Variants in CNEP1R1 observed in about 807,000 individuals in gnomAD.
CNEP1R1 encodes CTD nuclear envelope phosphatase 1 regulatory subunit 1.
CNEP1R1 carries 10 observed loss-of-function variants against 22.7 expected under a neutral mutation model. The observed-to-expected ratio is 0.44, with a 90% CI of 0.27 to 0.75. The LOEUF (loss-of-function observed/expected upper bound fraction) is 0.75, where lower values mean the gene tolerates loss of function less well. Ranked by LOEUF, CNEP1R1 falls within the 30% of genes least tolerant of loss-of-function variation. The pLI, the probability that CNEP1R1 is intolerant of heterozygous loss-of-function variation, is 0.17. For synonymous variants in CNEP1R1, 53 were observed against 50.1 expected (o/e 1.06, Z -0.25); for missense variants, 73 against 151.5 (o/e 0.48, Z 2.72).
chr16:50,027,978 A>G (rs1477461387), intron 2 of CNEP1R1, among the ~76,000 whole-genome samples: 2 of 152,132 alleles, frequency 1.3e-5, no homozygotes, highest in African/African-American at 4.8e-5. Flanking sequence ...TTGTTTTGGA[A>G]ATGGAGTCTA....
intron 2 of CNEP1R1, 47 bp downstream of exon 2, chr16:50,026,514 T>A: frequency 7.6e-7 from 1 of 1,309,116 alleles, no homozygotes. Context: ...AATTGATACT[T>A]TTATCCTAAT....
chr16:50,029,342 G>A (rs1347970999), intron 2 of CNEP1R1, among the ~76,000 whole-genome samples: 1 of 152,042 alleles, frequency 6.6e-6, no homozygotes, highest in Non-Finnish European at 1.5e-5. Context: ...AGTCTTTGAT[G>A]GTTTGTTTAC....
rs894713544 is a variant in CNEP1R1 at position 50,025,227 on chromosome 16, A to C, written c.-89A>C. ...GGGAGGGGCAGCGGGGAGCGGTTAG[A>C]GGTGGGAGTTGGCGCTGCGGGCCGG... On this transcript the variant is annotated 5_prime_UTR_variant, in exon 1 of 6. Transcript: ENST00000427478. 1.3e-5 allele frequency: 16 copies of C among 1,257,904 alleles called. No homozygotes were observed. Among genetic ancestry groups the C allele is most frequent in the Non-Finnish European group, 2.1e-6 (2 of 961,950 alleles). The allele number at this position is 1,257,904 out of a possible 1,614,324, so 77.9% of individuals were successfully genotyped here.
In CNEP1R1 at chr16:50,035,625, T is replaced by C. The variant is rs527312214; in HGVS notation, c.*167T>C. ...GGATTATCTTGATGATGGTGACTCATTATCAGTGCTTTGGTACTTTTGATT... is the reference window on the plus strand; with the variant it reads ...GGATTATCTTGATGATGGTGACTCACTATCAGTGCTTTGGTACTTTTGATT... On this transcript the variant is annotated 3_prime_UTR_variant, in exon 6 of 6. Transcript: ENST00000427478. The C allele has an allele frequency of 1.8e-6, 1 of 569,338 alleles. No individual in the cohort carries two copies. The highest frequency in any genetic ancestry group is 3.1e-6 in the Non-Finnish European group (1 of 322,266). 35.3% of individuals were successfully genotyped at this position (569,338 alleles called of 1,614,324 possible). A position where few individuals can be genotyped will look rare whatever the true frequency, so the allele number is the denominator to read the frequency against.
At chr16:50,025,869 T>C in intron 1 of CNEP1R1, 1 of 607,118 alleles carries the variant, frequency 1.6e-6, no homozygotes, top group South Asian at 2.0e-5. Flanking sequence ...GGGGAATGTC[T>C]TTCCACACCC....
chr16:50,031,470 G>C (rs1052898398), intron 3 of CNEP1R1, among the ~76,000 whole-genome samples: 6 of 152,110 alleles, frequency 3.9e-5, no homozygotes, highest in African/African-American at 1.2e-4. Flanking sequence ...AGAGTGGAAA[G>C]AGGCTGGCAA....
chr16:50,028,606 A>G (rs1232199523), intron 2 of CNEP1R1, among the ~76,000 whole-genome samples: 4 of 152,188 alleles, frequency 2.6e-5, no homozygotes, highest in African/African-American at 9.6e-5. Context: ...ATACTGCCCT[A>G]TCTTATAAAA....
intron 1 of CNEP1R1, chr16:50,026,150 T>C (rs1483840361): frequency 2.2e-6 from 1 of 457,796 alleles, no homozygotes; most frequent in Non-Finnish European, 3.9e-6. Flanking sequence ...ATGAAGCTTC[T>C]AAAAGTAAAT....
chr16:50,034,880 C>T (rs1242610795), intron 5 of CNEP1R1, among the ~76,000 whole-genome samples: 2 of 151,900 alleles, frequency 1.3e-5, no homozygotes, highest in African/African-American at 4.8e-5. Context: ...CTAGCCTGGA[C>T]GACAGTGAGA....
At chr16:50,026,003 C>T (rs2036179489) in intron 1 of CNEP1R1, among the ~76,000 whole-genome samples, 2 of 152,190 alleles carry the variant, frequency 1.3e-5, no homozygotes, top group South Asian at 2.1e-4. Context: ...TGATGTTAGG[C>T]ACTACGTGGT....
intron 3 of CNEP1R1, among the ~76,000 whole-genome samples, chr16:50,032,269 G>A (rs939755957): frequency 4.6e-5 from 7 of 152,154 alleles, no homozygotes; most frequent in African/African-American, 7.2e-5. Context: ...TGTCTTCTCT[G>A]TGTCTCCAGT....
At chr16:50,026,631 C>T in intron 2 of CNEP1R1, 164 bp downstream of exon 2, 1 of 608,160 alleles carries the variant, frequency 1.6e-6, no homozygotes, top group East Asian at 2.8e-5. Flanking sequence ...AACTGGCCTT[C>T]TCAAAAGAAC....
In CNEP1R1 at chr16:50,032,776, G is replaced by A. The variant is rs142015963; in HGVS notation, c.172-621G>A. Among the ~76,000 whole-genome samples the A allele has an allele frequency of 4.6e-3, 694 of 152,152 alleles. 9 individuals carry two copies. The highest frequency in any genetic ancestry group is 0.016 in the African/African-American group (655 of 41,506). On this transcript the variant is annotated intron_variant, in intron 3 of 5. Coordinates refer to ENST00000427478, the MANE Select transcript of CNEP1R1 (RefSeq NM_001281789.2). ...TCCCAGCACTTTGGGAGGCCGAGGC[G>A]GGCAGATCACCTGAGGTCAAGAGTT...
At position 50,026,400 on chromosome 16, in the gene CNEP1R1, C is replaced by T. The variant is rs1487670837; in HGVS notation, c.30C>T (p.Leu10=). Residue 10 remains leucine (L), a synonymous_variant, in exon 2 of 6, where the codon CTC becomes CTT. Coordinates refer to ENST00000427478, the MANE Select transcript of CNEP1R1 (RefSeq NM_001281789.2). MNSLEQAED[L]KAFERRLTEY... is the part of the protein sequence containing the mutation. ...AATTGACATCTTTATACCTAGATCTCAAGGCTTTTGAGAGGAGACTTACTG... is the reference window on the plus strand; with the variant it reads ...AATTGACATCTTTATACCTAGATCTTAAGGCTTTTGAGAGGAGACTTACTG... 3.1e-6 allele frequency: 5 copies of T among 1,606,606 alleles called. No homozygotes were observed. The Admixed American group carries it at 8.5e-5, about 27-fold the overall frequency.
intron 1 of CNEP1R1, chr16:50,025,872 C>A: frequency 5.0e-6 from 3 of 605,342 alleles, no homozygotes; most frequent in South Asian, 3.9e-5. Context: ...GAATGTCTTT[C>A]CACACCCACT....
rs1288400362 is a variant in CNEP1R1 at position 50,036,494 on chromosome 16, A to G, written c.*1036A>G. ...CTTGTGAATATACAAGTCTACTGAT[A>G]AATTATGTATTGTCTGGGAATTTGA... On this transcript the variant is annotated 3_prime_UTR_variant, in exon 6 of 6. Coordinates refer to ENST00000427478, the MANE Select transcript of CNEP1R1 (RefSeq NM_001281789.2). 1.3e-5 allele frequency: 2 copies of G among 152,190 alleles called. No homozygotes were observed. 9.4% of individuals were successfully genotyped at this position (152,190 alleles called of 1,614,324 possible).
chr16:50,027,461 T>C (rs1245122460), intron 2 of CNEP1R1, among the ~76,000 whole-genome samples: 2 of 150,404 alleles, frequency 1.3e-5, no homozygotes, highest in African/African-American at 4.9e-5. Context: ...TGAGCCGAGA[T>C]TGCACCACTG....
intron 1 of CNEP1R1, 44 bp from the exon 2 acceptor site, chr16:50,026,349 AGAC>A (rs1166675586): frequency 3.0e-6 from 4 of 1,351,654 alleles, no homozygotes; most frequent in Non-Finnish European, 4.2e-6. Context: ...ACATTTCGTC[AGAC>A]GAGTAAGAGT....
rs1444254459 is a variant in CNEP1R1, at chr16:50,035,440, T to C, written c.360T>C (p.Pro120=). The C allele has an allele frequency of 6.3e-7, 1 of 1,582,668 alleles. No individual in the cohort carries two copies. The highest frequency in any genetic ancestry group is 8.6e-7 in the Non-Finnish European group (1 of 1,160,790). Reference sequence around the variant, plus strand: ...AGACAGGAAAACTAATTTTGAAACCTAGGCCTCATGTTCAATGACAATCTT... The same window carrying C: ...AGACAGGAAAACTAATTTTGAAACCCAGGCCTCATGTTCAATGACAATCTT... ...CDDTGKLILK[P]RPHVQ Residue 120 remains proline, a synonymous_variant, in exon 6 of 6, where the codon CCT becomes CCC. Transcript: ENST00000427478.
Sources: gnomAD v4.1 joint callset for allele counts (sites outside exome capture counted in the v4.1 genomes callset) on GRCh38, gnomAD v4.1.1 for gene constraint, MANE v1.5 for transcripts, NCBI Gene and HGNC (gene_info 2026-07-23, HGNC 2026-07-21) for gene names.